Variants in GULP1 observed in about 807,000 individuals in gnomAD.
GULP1 encodes the protein PTB domain-containing engulfment adapter protein 1.
A neutral mutation model predicts 40.9 loss-of-function variants in GULP1; 19 were observed. The ratio of observed to expected loss-of-function variants is 0.46; its 90% CI spans 0.32 to 0.68. The LOEUF (loss-of-function observed/expected upper bound fraction) is 0.68, where lower values mean the gene tolerates loss of function less well. Among genes scored for constraint, GULP1 ranks in the 30% least tolerant of loss-of-function variants. The pLI is 0.03. For missense variants in GULP1, 312 were observed against 362.2 expected (o/e 0.86, Z 1.12); for synonymous variants, 119 against 117.6 (o/e 1.01, Z -0.08).
At chr2:188,363,036 C>A (rs79773798) in intron 1 of GULP1, among the ~76,000 whole-genome samples, 2,866 of 152,076 alleles carry the variant, frequency 0.019, 91 homozygotes, top group African/African-American at 0.065. Context: ...GGAAAGACTT[C>A]CTACAGTTAA....
chr2:188,414,568 C>G (rs1052099974), intron 2 of GULP1, among the ~76,000 whole-genome samples: 1 of 152,260 alleles, frequency 6.6e-6, no homozygotes, highest in East Asian at 1.9e-4. Flanking sequence ...ATATAAGATG[C>G]TTGCCCTCCC....
At chr2:188,365,043 G>A (rs1158169002) in intron 1 of GULP1, among the ~76,000 whole-genome samples, 1 of 152,006 alleles carries the variant, frequency 6.6e-6, no homozygotes, top group Non-Finnish European at 1.5e-5. Context: ...AGTTCTGGAG[G>A]CAGCTGGGGC....
Position 188,308,783 on chromosome 2 carries a change from A to G in GULP1, c.-172+16617A>G, listed in dbSNP as rs1002794760. On this transcript the variant is annotated intron_variant, in intron 1 of 11. Coordinates refer to ENST00000409830, the MANE Select transcript of GULP1 (RefSeq NM_016315.4). ...CTCTTATTTAGCTCTGAGATTATTC[A>G]GAGATTATTTGGCTTTTCTAGAAGT... Among the ~76,000 whole-genome samples the G allele has an allele frequency of 3.3e-5, 5 of 152,200 alleles. No individual in the cohort carries two copies. In the South Asian group the frequency reaches 1.0e-3, roughly 32 times the overall value.
chr2:188,387,876 T>A (rs12990374), intron 2 of GULP1, among the ~76,000 whole-genome samples: 28,129 of 151,920 alleles, frequency 0.19, 2,695 homozygotes, highest in South Asian at 0.24. Context: ...GTTTTTTTTT[T>A]AAATTTTTTT....
At chr2:188,585,242 T>C (rs2153463577) in intron 10 of GULP1, among the ~76,000 whole-genome samples, 1 of 152,314 alleles carries the variant, frequency 6.6e-6, no homozygotes. Context: ...ACAGCCCCCA[T>C]AGCTGTTTTC....
intron 1 of GULP1, among the ~76,000 whole-genome samples, chr2:188,366,680 G>A (rs919745083): frequency 1.0e-4 from 14 of 139,162 alleles, no homozygotes; most frequent in African/African-American, 3.2e-4. Context: ...TGCAAGCTCC[G>A]CCTCCCAGGT....
chr2:188,516,623 G>C (rs1408896873), intron 4 of GULP1, among the ~76,000 whole-genome samples: 1 of 151,958 alleles, frequency 6.6e-6, no homozygotes, highest in Non-Finnish European at 1.5e-5. Context: ...CCTAAAACAG[G>C]TTCTCACCTT....
chr2:188,331,468 A>T (rs4458180), intron 1 of GULP1, among the ~76,000 whole-genome samples: 1 of 152,126 alleles, frequency 6.6e-6, no homozygotes, highest in Non-Finnish European at 1.5e-5. Context: ...TTTACTATAC[A>T]TAAGAATCAC....
chr2:188,519,785 G>C (rs1362940734), intron 4 of GULP1, among the ~76,000 whole-genome samples: 1 of 152,070 alleles, frequency 6.6e-6, no homozygotes, highest in Non-Finnish European at 1.5e-5. Flanking sequence ...ATAGTAATAA[G>C]ATTATAGCTT....
At chr2:188,365,715 G>A (rs1019524148) in intron 1 of GULP1, among the ~76,000 whole-genome samples, 3 of 152,114 alleles carry the variant, frequency 2.0e-5, no homozygotes, top group South Asian at 2.1e-4. Flanking sequence ...AGAAGTAAGC[G>A]GACTCTAGTT....
At chr2:188,460,593 C>A (rs2059622776) in intron 2 of GULP1, among the ~76,000 whole-genome samples, 1 of 152,108 alleles carries the variant, frequency 6.6e-6, no homozygotes, top group African/African-American at 2.4e-5. Flanking sequence ...CTTTCATCTG[C>A]AAATAAAAAT....
At position 188,584,346 on chromosome 2, in the gene GULP1, A is replaced by G; in HGVS notation, c.691A>G (p.Met231Val). 6.2e-7 allele frequency: 1 copy of G among 1,606,696 alleles called. No homozygotes were observed. Among genetic ancestry groups the G allele is most frequent in the Non-Finnish European group, 8.5e-7 (1 of 1,173,368 alleles). The change falls in exon 10 of 12, where the codon ATG becomes GTG. Residue 231 changes from methionine (M) to valine (V), a missense_variant. By Grantham distance (21) the Met-to-Val change is conservative (BLOSUM62 1). Coordinates refer to ENST00000409830, the MANE Select transcript of GULP1 (RefSeq NM_016315.4). ...PFSPISHQSS[M>V]PTRNGTQPPP... Reference sequence around the variant, plus strand: ...TTCTCCAATATCACACCAGTCTTCGATGCCTACTCGCAATGGCACACAGCC... The same window carrying G: ...TTCTCCAATATCACACCAGTCTTCGGTGCCTACTCGCAATGGCACACAGCC...
intron 4 of GULP1, among the ~76,000 whole-genome samples, chr2:188,507,956 TC>T (rs1251436536): frequency 4.6e-5 from 7 of 152,108 alleles, no homozygotes; most frequent in African/African-American, 1.7e-4. Flanking sequence ...GCAATATAGT[TC>T]TGTATATATA....
chr2:188,528,227 G>A (rs958680443), intron 5 of GULP1, among the ~76,000 whole-genome samples: 1 of 151,948 alleles, frequency 6.6e-6, no homozygotes, highest in Non-Finnish European at 1.5e-5. Flanking sequence ...ATGGGCTAAC[G>A]TGTATACTAA....
chr2:188,335,290 C>T (rs1335260690), intron 1 of GULP1, among the ~76,000 whole-genome samples: 1 of 152,064 alleles, frequency 6.6e-6, no homozygotes. Context: ...GATTAATTCT[C>T]TCTTCTTGTG....
intron 2 of GULP1, among the ~76,000 whole-genome samples, chr2:188,398,053 T>G (rs2152596364): frequency 6.6e-6 from 1 of 152,258 alleles, no homozygotes; most frequent in East Asian, 1.9e-4. Flanking sequence ...CAGGATTAAC[T>G]GGATGAACTG....
At chr2:188,445,471 A>G (rs2058306491) in intron 2 of GULP1, among the ~76,000 whole-genome samples, 1 of 152,140 alleles carries the variant, frequency 6.6e-6, no homozygotes, top group Non-Finnish European at 1.5e-5. Flanking sequence ...CTAGCAATCA[A>G]TAGCTTTGAT....
chr2:188,325,411 A>G (rs2040610149), intron 1 of GULP1, among the ~76,000 whole-genome samples: 1 of 152,110 alleles, frequency 6.6e-6, no homozygotes. Flanking sequence ...TCTCGTGTTA[A>G]GTCTAGCCAA....
At position 188,477,702 on chromosome 2, in the gene GULP1, C is replaced by G; in HGVS notation, c.-1C>G. 2 of 1,598,348 alleles carry G rather than the reference C, an allele frequency of 1.3e-6. No homozygotes were observed. The highest frequency in any genetic ancestry group is 1.7e-6 in the Non-Finnish European group (2 of 1,173,122). On this transcript the variant is annotated 5_prime_UTR_variant, in exon 3 of 12. In the 5' UTR this introduces an upstream ATG that the reference lacks. Transcript: ENST00000409830. The stretch of plus-strand genomic sequence containing the variant: ...GAACATTTATTTGGCTGATCCTCAT[C>G]ATGAACCGTGCTTTTAGCAGGAAGA...
Sources: allele counts gnomAD v4.1 joint callset (sites outside exome capture counted in the v4.1 genomes callset), GRCh38; gene constraint gnomAD v4.1.1; transcripts MANE v1.5; gene names NCBI Gene and HGNC (gene_info 2026-07-23, HGNC 2026-07-21).